DNAH9: variants seen among roughly 807,000 people sequenced by gnomAD.
DNAH9 encodes the protein dynein axonemal heavy chain 9, also known as DNAH9 variant protein.
In DNAH9, 345 loss-of-function variants were observed where a neutral mutation model predicts 471.6. The ratio of observed to expected loss-of-function variants is 0.73; its 90% confidence interval spans 0.67 to 0.80. DNAH9 has a LOEUF of 0.80. Ranked by LOEUF, DNAH9 falls within the 30% of genes least tolerant of loss-of-function variation. DNAH9 has a pLI of 0.00. For synonymous variants in DNAH9, 2,093 were observed against 2,123.6 expected (o/e 0.99, Z 0.40); for missense variants, 5,407 against 5,609.2 (o/e 0.96, Z 1.15).
chr17:11,760,224 C>T (rs1967606022), intron 35 of DNAH9, among the ~76,000 whole-genome samples: 1 of 146,384 alleles, frequency 6.8e-6, no homozygotes, highest in Non-Finnish European at 1.5e-5. Flanking sequence ...GTGCAGGTAT[C>T]TTTTTGATAA....
intron 52 of DNAH9, among the ~76,000 whole-genome samples, chr17:11,872,317 C>T (rs576580560): frequency 5.3e-5 from 8 of 152,000 alleles, no homozygotes; most frequent in South Asian, 2.1e-4. Flanking sequence ...GCTTGTCCTC[C>T]TCGTGTGGCT....
At chr17:11,714,926 G>C (rs369288099) in intron 26 of DNAH9, among the ~76,000 whole-genome samples, 68 of 152,254 alleles carry the variant, frequency 4.5e-4, no homozygotes, top group African/African-American at 1.5e-3. Flanking sequence ...TAATAGTCCA[G>C]CCCAGCCAAC....
intron 6 of DNAH9, among the ~76,000 whole-genome samples, chr17:11,624,790 G>A (rs2150664773): frequency 6.6e-6 from 1 of 152,070 alleles, no homozygotes; most frequent in East Asian, 1.9e-4. Context: ...ATCCCAAACT[G>A]GTTTTGTGGT....
chr17:11,807,785 G>A lies in DNAH9; in HGVS notation c.8474G>A (p.Gly2825Asp). The change falls in exon 44 of 69, where the codon GGT becomes GAT. Residue 2825 changes from glycine (G) to aspartate (D), a missense_variant. Transcript: ENST00000262442. ...CCGCGGGGAAATGCTCTGCTGGTTGGTGTAGGTGGGAGCGGCAAGCAGAGC... is the reference window on the plus strand; with the variant it reads ...CCGCGGGGAAATGCTCTGCTGGTTGATGTAGGTGGGAGCGGCAAGCAGAGC... ...ESPRGNALLV[G>D]VGGSGKQSLT... 6 of 1,614,086 alleles carry A rather than the reference G, an allele frequency of 3.7e-6. No homozygotes were observed. The highest frequency in any genetic ancestry group is 4.2e-6 in the Non-Finnish European group (5 of 1,179,966).
At chr17:11,842,478 TG>T (rs1255119675) in intron 49 of DNAH9, among the ~76,000 whole-genome samples, 1 of 152,146 alleles carries the variant, frequency 6.6e-6, no homozygotes, top group Non-Finnish European at 1.5e-5. Flanking sequence ...CATTGCAAAG[TG>T]AAGCTCCACA....
Position 11,601,816 on chromosome 17 carries a change from A to G in DNAH9, c.417+2901A>G, listed in dbSNP as rs77586737. Among the ~76,000 whole-genome samples, 1,112 of 152,146 alleles carry G rather than the reference A, an allele frequency of 7.3e-3. 13 individuals carry two copies. The highest frequency in any genetic ancestry group is 0.025 in the African/African-American group (1,043 of 41,502). On this transcript the variant is annotated intron_variant, in intron 1 of 68. Transcript: ENST00000262442. Reference sequence around the variant, plus strand: ...TTTTCCTTCCACCTCCCCATGCAGCATCGCTAAAGCCAGAAGAACCTACCT... The same window carrying G: ...TTTTCCTTCCACCTCCCCATGCAGCGTCGCTAAAGCCAGAAGAACCTACCT...
chr17:11,607,504 A>T (rs2072533805), intron 1 of DNAH9, among the ~76,000 whole-genome samples: 1 of 152,166 alleles, frequency 6.6e-6, no homozygotes, highest in Non-Finnish European at 1.5e-5. Context: ...CAGGGAACTG[A>T]AGTCTGCTTC....
intron 50 of DNAH9, among the ~76,000 whole-genome samples, chr17:11,855,950 T>C (rs1971609275): frequency 6.6e-6 from 1 of 152,156 alleles, no homozygotes; most frequent in Non-Finnish European, 1.5e-5. Context: ...CATGGGACTA[T>C]TATGAGAATT....
chr17:11,671,409 G>T (rs75840209), intron 17 of DNAH9, among the ~76,000 whole-genome samples: 3,682 of 152,278 alleles, frequency 0.024, 148 homozygotes, highest in African/African-American at 0.083. Context: ...GAAGCAGAGG[G>T]GGGGCAGAGA....
chr17:11,749,369 C>A (rs1421062104), intron 32 of DNAH9, among the ~76,000 whole-genome samples: 1 of 152,074 alleles, frequency 6.6e-6, no homozygotes, highest in Non-Finnish European at 1.5e-5. Flanking sequence ...CAGGTGTAAG[C>A]CACCATGATG....
intron 43 of DNAH9, among the ~76,000 whole-genome samples, chr17:11,807,276 A>G (rs1969724422): frequency 6.6e-6 from 1 of 152,158 alleles, no homozygotes; most frequent in Non-Finnish European, 1.5e-5. Context: ...CCTAAGAGGA[A>G]CCAACTTCTG....
chr17:11,706,077 C>A (rs1160700005), intron 26 of DNAH9, among the ~76,000 whole-genome samples: 3 of 151,848 alleles, frequency 2.0e-5, no homozygotes, highest in African/African-American at 7.3e-5. Flanking sequence ...GCTTTCCAGG[C>A]ATATTTATAA....
intron 17 of DNAH9, among the ~76,000 whole-genome samples, chr17:11,673,958 ATAT>A (rs1212335803): frequency 2.6e-5 from 4 of 152,298 alleles, no homozygotes; most frequent in Middle Eastern, 3.4e-3. Context: ...CATAAAAATG[ATAT>A]TATTGTATGC....
intron 51 of DNAH9, among the ~76,000 whole-genome samples, chr17:11,869,792 T>TA (rs958062318): frequency 1.4e-4 from 21 of 152,130 alleles, no homozygotes; most frequent in African/African-American, 5.1e-4. Flanking sequence ...TGTTTCTGCA[T>TA]AAAAAAATTA....
rs375685837 is a variant in DNAH9 at position 11,671,662 on chromosome 17, C to T, written c.3353+1868C>T. 1.1e-4 allele frequency among the ~76,000 whole-genome samples: 17 copies of T among 152,288 alleles called. No individual in the cohort carries two copies. The East Asian group carries it at 1.4e-3, about 12-fold the overall frequency. ...GGTTTGCATATGGAAAGTGTGCTCA[C>T]GAGCCAGCCACTGCTGTCTCAAGGA... is the stretch of plus-strand genomic sequence containing the variant. On this transcript the variant is annotated intron_variant, in intron 17 of 68. Coordinates refer to ENST00000262442, the MANE Select transcript of DNAH9 (RefSeq NM_001372.4).
intron 57 of DNAH9, 53 bp from the exon 58 acceptor site, chr17:11,891,724 G>A (rs1973054781): frequency 6.9e-6 from 11 of 1,583,060 alleles, no homozygotes; most frequent in Non-Finnish European, 9.5e-6. Context: ...AAGACCACTA[G>A]TGTATAGTAA....
intron 4 of DNAH9, among the ~76,000 whole-genome samples, chr17:11,616,937 A>G (rs563185043): frequency 2.0e-5 from 3 of 152,220 alleles, no homozygotes; most frequent in African/African-American, 4.8e-5. Flanking sequence ...AGTTGTTTAT[A>G]AAGATTCCTA....
Position 11,742,297 on chromosome 17 carries a change from A to G in DNAH9, c.6095A>G (p.Glu2032Gly), listed in dbSNP as rs1315798962. ...ATCACTCTTTACCAGTTGTGCAAAGAGCTTCTCTCCAAACAGGTAGGATCT... is the reference window on the plus strand; with the variant it reads ...ATCACTCTTTACCAGTTGTGCAAAGGGCTTCTCTCCAAACAGGTAGGATCT... ...KFITLYQLCK[E>G]LLSKQDHYDW... The change falls in exon 30 of 69, where the codon GAG (glutamate) becomes GGG (glycine). Residue 2032 changes from glutamate to glycine, a missense_variant. Glu to Gly is a moderately conservative substitution (Grantham distance 98, BLOSUM62 -2). This residue lies in a region of DNAH9 where 4,636 missense variants were observed against 4,900.3 expected (regional missense o/e 0.95). Coordinates refer to ENST00000262442, the MANE Select transcript of DNAH9 (RefSeq NM_001372.4). 59 of 1,614,034 alleles carry G rather than the reference A, an allele frequency of 3.7e-5. No homozygotes were observed. The highest frequency in any genetic ancestry group is 4.5e-5 in the Non-Finnish European group (53 of 1,180,010).
intron 57 of DNAH9, among the ~76,000 whole-genome samples, chr17:11,891,536 TG>T (rs1438006719): frequency 1.3e-5 from 2 of 152,160 alleles, no homozygotes; most frequent in Non-Finnish European, 2.9e-5. Flanking sequence ...TGCTAATTTT[TG>T]TGCTTTTAGT....
Sources: gnomAD v4.1 joint callset for allele counts (sites outside exome capture counted in the v4.1 genomes callset) on GRCh38, gnomAD v4.1.1 for gene constraint, gnomAD v4.1.1 regional missense constraint, MANE v1.5 for transcripts, NCBI Gene and HGNC (gene_info 2026-07-23, HGNC 2026-07-21) for gene names.